The following WWC2 variants were observed in gnomAD, a reference collection of about 807,000 sequenced individuals.
The protein encoded by WWC2 is WW and C2 domain containing 2.
A neutral mutation model predicts 138.5 loss-of-function variants in WWC2; 101 were observed. The ratio of observed to expected loss-of-function variants is 0.73; its 90% CI spans 0.62 to 0.86. The LOEUF (loss-of-function observed/expected upper bound fraction) is 0.86. WWC2 is among the 40% of genes least tolerant of loss of function. The probability of loss-of-function intolerance (pLI) is 0.00; values close to 1 mark genes in which losing one functional copy is unlikely to be tolerated. For missense variants in WWC2, 1,420 were observed against 1,419.4 expected (o/e 1.00, Z -0.01); for synonymous variants, 558 against 538.4 (o/e 1.04, Z -0.50).
intron 17 of WWC2, among the ~76,000 whole-genome samples, chr4:183,281,766 G>A (rs1399534949): frequency 6.6e-6 from 1 of 152,132 alleles, no homozygotes; most frequent in African/African-American, 2.4e-5. Flanking sequence ...GTCCTTCATA[G>A]TGAATAAAAA....
chr4:183,243,514 A>G (rs1224112696), intron 5 of WWC2, among the ~76,000 whole-genome samples: 5 of 152,198 alleles, frequency 3.3e-5, no homozygotes, highest in Non-Finnish European at 7.3e-5. Context: ...CCAAATAAGT[A>G]GAATTAGCTG....
chr4:183,159,711 AC>A (rs1202268158), intron 1 of WWC2, among the ~76,000 whole-genome samples: 4 of 48,932 alleles, frequency 8.2e-5, no homozygotes, highest in Admixed American at 3.3e-4. Flanking sequence ...GCCTGAACTT[AC>A]CTTTTTTTTT....
chr4:183,150,261 A>G (rs1382544087), intron 1 of WWC2, among the ~76,000 whole-genome samples: 1 of 152,220 alleles, frequency 6.6e-6, no homozygotes, highest in Non-Finnish European at 1.5e-5. Flanking sequence ...ATATGAAACT[A>G]CTAAATATCA....
chr4:183,099,586 A>G lies in WWC2; in HGVS notation c.95A>G (p.Asn32Ser). ...GGCAAGGTCTTCTACATTGACCACAACACCAGGAGGACCAGCTGGATCGAC... is the reference window on the plus strand; with the variant it reads ...GGCAAGGTCTTCTACATTGACCACAGCACCAGGAGGACCAGCTGGATCGAC... Reference protein sequence around the residue: ...YDGKVFYIDHNTRRTSWIDPR... With the variant: ...YDGKVFYIDHSTRRTSWIDPR... The change falls in exon 1 of 23, where the codon AAC (asparagine) becomes AGC (serine). Residue 32 changes from asparagine (N) to serine (S), a missense_variant. Asn to Ser is a conservative substitution (Grantham distance 46). Transcript: ENST00000403733. The G allele has an allele frequency of 7.2e-7, 1 of 1,397,904 alleles. No individual in the cohort carries two copies. Among genetic ancestry groups the G allele is most frequent in the African/African-American group, 1.5e-5 (1 of 66,820 alleles). 86.6% of individuals were successfully genotyped at this position (1,397,904 alleles called of 1,614,324 possible).
chr4:183,319,904 C>CT lies in WWC2; in HGVS notation c.*4175_*4176insT, dbSNP rs1343701142. 6.2e-7 allele frequency: 1 copy of CT among 1,613,832 alleles called. No homozygotes were observed. Among genetic ancestry groups the CT allele is most frequent in the African/African-American group, 1.3e-5 (1 of 74,902 alleles). On this transcript the variant is annotated 3_prime_UTR_variant, in exon 23 of 23. Coordinates refer to ENST00000403733, the MANE Select transcript of WWC2 (RefSeq NM_024949.6). ...GATCTCTCTGACTCTCTCCAATTCT[C>CT]AAACAGTCCAGGCCAAACCCAGAGA... is the stretch of plus-strand genomic sequence containing the variant.
intron 1 of WWC2, among the ~76,000 whole-genome samples, chr4:183,158,454 T>A (rs1014536321): frequency 1.3e-5 from 2 of 151,660 alleles, no homozygotes; most frequent in African/African-American, 4.8e-5. Flanking sequence ...CTTCTCCTTG[T>A]GTCTTCACAT....
chr4:183,201,677 C>G (rs1735302900), intron 2 of WWC2, among the ~76,000 whole-genome samples: 3 of 152,214 alleles, frequency 2.0e-5, no homozygotes, highest in Admixed American at 2.0e-4. Context: ...TTTTGACTTG[C>G]TGTAGCTCTT....
chr4:183,248,980 G>T (rs1736885788), intron 7 of WWC2, 120 bp downstream of exon 7: 2 of 1,021,404 alleles, frequency 2.0e-6, no homozygotes, highest in Non-Finnish European at 2.7e-6. Flanking sequence ...TGTGCATTCA[G>T]TGTTCCATTT....
chr4:183,118,376 C>T (rs1049335532), intron 1 of WWC2, among the ~76,000 whole-genome samples: 30 of 152,156 alleles, frequency 2.0e-4, no homozygotes, highest in Admixed American at 1.8e-3. Flanking sequence ...CATTCCTTAT[C>T]CCTGTTACAG....
intron 1 of WWC2, among the ~76,000 whole-genome samples, chr4:183,126,087 C>G (rs1218846301): frequency 6.6e-6 from 1 of 152,194 alleles, no homozygotes; most frequent in African/African-American, 2.4e-5. Context: ...CTCGCCTCAC[C>G]CTGGTCCTGG....
At chr4:183,251,885 C>T (rs1457687586) in intron 8 of WWC2, among the ~76,000 whole-genome samples, 1 of 152,162 alleles carries the variant, frequency 6.6e-6, no homozygotes, top group Non-Finnish European at 1.5e-5. Flanking sequence ...TCCTCCAGCC[C>T]TTATTTTATG....
chr4:183,208,862 A>G, intron 3 of WWC2, 87 bp from the exon 4 acceptor site: 1 of 853,686 alleles, frequency 1.2e-6, no homozygotes, highest in African/African-American at 1.7e-5. Flanking sequence ...AAGCACATAA[A>G]TCTTGTTTTT....
intron 1 of WWC2, among the ~76,000 whole-genome samples, chr4:183,101,010 T>A (rs1412804324): frequency 6.6e-6 from 1 of 152,258 alleles, no homozygotes; most frequent in African/African-American, 2.4e-5. Context: ...TATTGCACTT[T>A]GAAACTACTT....
In WWC2 at chr4:183,193,592, G is replaced by C. The variant is rs1735048994; in HGVS notation, c.132-7G>C. 6.2e-7 allele frequency: 1 copy of C among 1,613,344 alleles called. No individual in the cohort carries two copies. The highest frequency in any genetic ancestry group is 1.7e-5 in the Admixed American group (1 of 59,980). ...ATCACTGGTGTGTCAATTCTGGTTT[G>C]TTGTAGGTTAACGAAGCCCTTGTCA... On this transcript the variant is annotated splice_polypyrimidine_tract_variant and splice_region_variant and intron_variant, in intron 1 of 22. Coordinates refer to ENST00000403733, the MANE Select transcript of WWC2 (RefSeq NM_024949.6).
intron 20 of WWC2, among the ~76,000 whole-genome samples, chr4:183,288,667 A>G (rs1271305682): frequency 6.6e-6 from 1 of 152,194 alleles, no homozygotes; most frequent in Non-Finnish European, 1.5e-5. Context: ...GCACAGCCCC[A>G]GCAGACATTT....
intron 4 of WWC2, among the ~76,000 whole-genome samples, chr4:183,237,098 G>A (rs1189860052): frequency 6.6e-6 from 1 of 152,162 alleles, no homozygotes; most frequent in Non-Finnish European, 1.5e-5. Context: ...GAAAGTTTAC[G>A]AATTTGTGTT....
chr4:183,298,999 G>A (rs138158758), intron 21 of WWC2, among the ~76,000 whole-genome samples: 18 of 152,264 alleles, frequency 1.2e-4, no homozygotes, highest in East Asian at 3.9e-4. Context: ...AAACTATGCT[G>A]TCTTAGTCCA....
chr4:183,256,985 GAA>G (rs1428865574), intron 9 of WWC2, among the ~76,000 whole-genome samples: 1 of 151,016 alleles, frequency 6.6e-6, no homozygotes, highest in Non-Finnish European at 1.5e-5. Context: ...CTGGTGGTGG[GAA>G]AGAGGTGCTC....
intron 1 of WWC2, among the ~76,000 whole-genome samples, chr4:183,125,207 C>A (rs539263602): frequency 6.6e-6 from 1 of 152,090 alleles, no homozygotes; most frequent in Non-Finnish European, 1.5e-5. Context: ...GGTCCATCCT[C>A]GATTTTTACA....
Sources: allele counts gnomAD v4.1 joint callset (sites outside exome capture counted in the v4.1 genomes callset), GRCh38; gene constraint gnomAD v4.1.1; transcripts MANE v1.5; gene names NCBI Gene and HGNC (gene_info 2026-07-23, HGNC 2026-07-21).